SP140L: variants seen among roughly 807,000 people sequenced by gnomAD.
SP140L encodes the protein nuclear body protein SP140-like protein.
SP140L carries 64 observed loss-of-function variants against 84.3 expected under a neutral mutation model. That is an observed-to-expected ratio of 0.76 (90% CI 0.62 to 0.94). The LOEUF (loss-of-function observed/expected upper bound fraction) is 0.94, where lower values mean the gene tolerates loss of function less well. Ranked by LOEUF, SP140L falls within the 40% of genes least tolerant of loss-of-function variation. The probability of loss-of-function intolerance (pLI) is 0.00; values close to 1 mark genes in which losing one functional copy is unlikely to be tolerated. For synonymous variants in SP140L, 242 were observed against 236.9 expected, an observed-to-expected ratio of 1.02 and a Z score of -0.20; for missense variants, 628 against 692.5, an observed-to-expected ratio of 0.91 and a Z score of 1.05.
chr2:230,361,881 A>G (rs1467644937), intron 5 of SP140L, among the ~76,000 whole-genome samples, 184 bp downstream of exon 5: 1 of 152,188 alleles, frequency 6.6e-6, no homozygotes, highest in Admixed American at 6.5e-5. Flanking sequence ...AGAAGTGGCC[A>G]TAACAAGACA....
chr2:230,337,310 TC>T (rs1163195019), intron 2 of SP140L, among the ~76,000 whole-genome samples: 1 of 152,228 alleles, frequency 6.6e-6, no homozygotes, highest in African/African-American at 2.4e-5. Context: ...AAGTGTCTGT[TC>T]ATATCCTTCG....
At chr2:230,354,095 C>T (rs765129232) in intron 2 of SP140L, among the ~76,000 whole-genome samples, 2 of 152,102 alleles carry the variant, frequency 1.3e-5, no homozygotes, top group South Asian at 4.1e-4. Context: ...TTTGGAATTT[C>T]CCCCCATTTC....
intron 8 of SP140L, among the ~76,000 whole-genome samples, chr2:230,384,018 T>C (rs1414276117): frequency 6.6e-6 from 1 of 152,186 alleles, no homozygotes; most frequent in Non-Finnish European, 1.5e-5. Context: ...TACATAGATA[T>C]ATGCAATTAT....
intron 2 of SP140L, among the ~76,000 whole-genome samples, chr2:230,343,764 A>G (rs937380955): frequency 6.6e-6 from 1 of 152,126 alleles, no homozygotes; most frequent in Non-Finnish European, 1.5e-5. Flanking sequence ...TTTTTAATAT[A>G]GCCATTCTGA....
intron 2 of SP140L, among the ~76,000 whole-genome samples, chr2:230,342,829 T>G (rs2060098099): frequency 6.6e-6 from 1 of 152,170 alleles, no homozygotes; most frequent in Non-Finnish European, 1.5e-5. Flanking sequence ...TAAAATCTTT[T>G]CAAAGAACCA....
At chr2:230,380,670 C>G (rs1303043276) in intron 7 of SP140L, among the ~76,000 whole-genome samples, 3 of 152,122 alleles carry the variant, frequency 2.0e-5, no homozygotes, top group Admixed American at 6.5e-5. Context: ...AATCACTACT[C>G]TTTGTTTTTC....
Position 230,377,304 on chromosome 2 carries a change from C to T in SP140L, c.637+5653C>T, listed in dbSNP as rs2061272973. 2.0e-5 allele frequency among the ~76,000 whole-genome samples: 3 copies of T among 152,180 alleles called. No homozygotes were observed. The South Asian group carries it at 6.2e-4, about 32-fold the overall frequency. Reference sequence around the variant, plus strand: ...AATGGGAATACAGGCATGTACAACTCACCAACCCAGGTTGTTTTTTTTAAA... The same window carrying T: ...AATGGGAATACAGGCATGTACAACTTACCAACCCAGGTTGTTTTTTTTAAA... On this transcript the variant is annotated intron_variant, in intron 7 of 18. Transcript: ENST00000415673.
intron 2 of SP140L, among the ~76,000 whole-genome samples, chr2:230,348,115 T>G (rs949347641): frequency 6.6e-6 from 1 of 152,218 alleles, no homozygotes. Context: ...TGGAGAAACT[T>G]TGGGCTCAGG....
At chr2:230,402,486 G>C (rs779045028) in intron 18 of SP140L, among the ~76,000 whole-genome samples, 23 of 152,218 alleles carry the variant, frequency 1.5e-4, no homozygotes, top group Non-Finnish European at 2.9e-4. Context: ...GGGTGTTTAA[G>C]ATAAGAGTCC....
At chr2:230,385,657 G>C (rs981295774) in intron 9 of SP140L, among the ~76,000 whole-genome samples, 6 of 152,270 alleles carry the variant, frequency 3.9e-5, no homozygotes, top group Middle Eastern at 3.4e-3. Flanking sequence ...TCCTAGATAA[G>C]TTATTTCTTG....
intron 12 of SP140L, 84 bp from the exon 13 acceptor site, chr2:230,393,330 A>C: frequency 7.0e-7 from 1 of 1,436,450 alleles, no homozygotes. Context: ...CTCAGGTAGA[A>C]GTATTTGGGA....
rs1157876169 is a variant in SP140L, at chr2:230,352,529, A to G, written c.108-5276A>G. 3.3e-5 allele frequency among the ~76,000 whole-genome samples: 5 copies of G among 152,088 alleles called. No homozygotes were observed. The East Asian group carries it at 9.6e-4, about 29-fold the overall frequency. ...ACTATCATGAGAACAGTATGGGGGA[A>G]TCCACCCGCATGATCCAATCACCTC... On this transcript the variant is annotated intron_variant, in intron 2 of 18. Transcript: ENST00000415673.
intron 14 of SP140L, among the ~76,000 whole-genome samples, chr2:230,398,990 G>C (rs2062186010): frequency 6.6e-6 from 1 of 152,262 alleles, no homozygotes; most frequent in African/African-American, 2.4e-5. Context: ...CAGGAGCAGA[G>C]CCGGCGGAGG....
In SP140L at chr2:230,361,594, T is replaced by G; in HGVS notation, c.440-20T>G. Reference sequence around the variant, plus strand: ...TTCTCACAGATCTTTAATTGCTTTCTTCTCTCTCCCACTCTTCAGCAATCC... The same window carrying G: ...TTCTCACAGATCTTTAATTGCTTTCGTCTCTCTCCCACTCTTCAGCAATCC... On this transcript the variant is annotated intron_variant, in intron 4 of 18. Coordinates refer to ENST00000415673, the MANE Select transcript of SP140L (RefSeq NM_138402.6). The G allele has an allele frequency of 6.5e-7, 1 of 1,546,256 alleles. No individual in the cohort carries two copies. Among genetic ancestry groups the G allele is most frequent in the Non-Finnish European group, 8.8e-7 (1 of 1,141,326 alleles).
chr2:230,327,404 T>C, intron 1 of SP140L, 103 bp downstream of exon 1: 1 of 1,332,292 alleles, frequency 7.5e-7, no homozygotes, highest in Non-Finnish European at 1.0e-6. Context: ...AGTCCTGCTT[T>C]GCAAGAACAT....
chr2:230,387,136 G>C (rs1199283137), intron 9 of SP140L, among the ~76,000 whole-genome samples: 1 of 152,156 alleles, frequency 6.6e-6, no homozygotes. Flanking sequence ...TCTTCCAGAG[G>C]CAGGCAGCAA....
In SP140L at chr2:230,401,040, C is replaced by A. The variant is rs2062313759; in HGVS notation, c.1399C>A (p.Gln467Lys). 1 of 1,380,758 alleles carries A rather than the reference C, an allele frequency of 7.2e-7. No individual in the cohort carries two copies. The highest frequency in any genetic ancestry group is 1.0e-6 in the Non-Finnish European group (1 of 1,004,704). 85.5% of individuals were successfully genotyped at this position (1,380,758 alleles called of 1,614,324 possible). The change falls in exon 16 of 19, where the codon CAG becomes AAG. Residue 467 changes from glutamine to lysine, a missense_variant. This residue lies in a region of SP140L where 52 missense variants were observed against 87.0 expected (regional missense o/e 0.60). Coordinates refer to ENST00000415673, the MANE Select transcript of SP140L (RefSeq NM_138402.6). Reference sequence around the variant, plus strand: ...TCAGGAATCTGAGGTCCTGGAGAGGCAGATGTGTCCTGAGGAACAGTTGGT... The same window carrying A: ...TCAGGAATCTGAGGTCCTGGAGAGGAAGATGTGTCCTGAGGAACAGTTGGT... ...CCQESEVLER[Q>K]MCPEEQLKCE...
chr2:230,354,881 G>GAAAGAAAGAAAGAAAGAAAGAAAGAA lies in SP140L; in HGVS notation c.108-2908_108-2907insAAAGAAAGAAAAAGAAAGAAAGAAAG, dbSNP rs565359776. ...AGAAAGAAAGAAAGAAAGAAAGAAA[G>GAAAGAAAGAAAGAAAGAAAGAAAGAA]AAAGAAAGAAAGAAAGGAAAGAGAA... On this transcript the variant is annotated intron_variant, in intron 2 of 18. Transcript: ENST00000415673. 6.4e-5 allele frequency among the ~76,000 whole-genome samples: 8 copies of GAAAGAAAGAAAGAAAGAAAGAAAGAA among 125,614 alleles called. No individual in the cohort carries two copies. The East Asian group carries it at 1.9e-3, about 30-fold the overall frequency. The allele number at this position is 125,614 out of a possible 152,430, so 82.4% of individuals were successfully genotyped here.
intron 2 of SP140L, among the ~76,000 whole-genome samples, chr2:230,342,547 T>C (rs2060087835): frequency 6.6e-6 from 1 of 152,328 alleles, no homozygotes; most frequent in South Asian, 2.1e-4. Flanking sequence ...GGAAAGGTTT[T>C]TTTTTCCTAC....
Sources: allele counts gnomAD v4.1 joint callset (sites outside exome capture counted in the v4.1 genomes callset), GRCh38; gene constraint gnomAD v4.1.1; regional missense constraint gnomAD v4.1.1; transcripts MANE v1.5; gene names NCBI Gene and HGNC (gene_info 2026-07-23, HGNC 2026-07-21).